PASK: variants seen among roughly 807,000 people sequenced by gnomAD.
The protein encoded by PASK is PAS domain containing serine/threonine kinase, also known as PAS domain-containing serine/threonine-protein kinase.
PASK carries 110 observed loss-of-function variants against 121.0 expected under a neutral mutation model. That is an observed-to-expected ratio of 0.91 (90% CI 0.78 to 1.06). PASK has a LOEUF of 1.06. PASK is among the 50% of genes least tolerant of loss of function. PASK has a pLI of 0.00. For synonymous variants in PASK, 686 were observed against 717.8 expected, an observed-to-expected ratio of 0.96 and a Z score of 0.71; for missense variants, 1,643 against 1,702.3, an observed-to-expected ratio of 0.97 and a Z score of 0.61.
intron 12 of PASK, among the ~76,000 whole-genome samples, chr2:241,116,656 T>G (rs934821268): frequency 6.6e-6 from 1 of 152,224 alleles, no homozygotes; most frequent in South Asian, 2.1e-4. Flanking sequence ...AGAAAAACAG[T>G]GCTACCACAG....
intron 15 of PASK, among the ~76,000 whole-genome samples, chr2:241,111,358 G>A (rs1380737548): frequency 6.6e-6 from 1 of 152,210 alleles, no homozygotes; most frequent in African/African-American, 2.4e-5. Context: ...TCCAAGCAGT[G>A]CTGTGATCAT....
At chr2:241,149,575 A>G, upstream of PASK, 1 of 1,401,586 alleles carries the variant, frequency 7.1e-7, no homozygotes, top group Non-Finnish European at 9.7e-7. Context: ...GCCAGAGTCT[A>G]GAAGCCCGCG....
At chr2:241,130,326 C>T (rs2066068388) in intron 9 of PASK, among the ~76,000 whole-genome samples, 1 of 152,180 alleles carries the variant, frequency 6.6e-6, no homozygotes, top group Admixed American at 6.5e-5. Context: ...CAGAAACGTC[C>T]AATGCAATAG....
At chr2:241,128,802 C>T (rs1279632675) in intron 9 of PASK, among the ~76,000 whole-genome samples, 1 of 151,878 alleles carries the variant, frequency 6.6e-6, no homozygotes, top group Non-Finnish European at 1.5e-5. Flanking sequence ...GGAGTCTAGG[C>T]TGCAGTGAGC....
At chr2:241,121,065 C>T (rs954200900) in intron 12 of PASK, among the ~76,000 whole-genome samples, 1 of 152,130 alleles carries the variant, frequency 6.6e-6, no homozygotes, top group African/African-American at 2.4e-5. Context: ...ATGAAAGAAT[C>T]CAGTGACAAA....
chr2:241,149,581 C>T (rs561544382), upstream of PASK: 287 of 1,442,112 alleles, frequency 2.0e-4, no homozygotes, highest in Middle Eastern at 1.3e-3. Context: ...GTCTAGAAGC[C>T]CGCGCTAAGG....
rs1211837061 is a variant in PASK, at chr2:241,143,094, T to C, written c.-42-20A>G. ...TAACAACTAGAAAACAACATGAAGC[T>C]GATTAACATCTGCAATGCAAAAACA... On this transcript the variant is annotated intron_variant, in intron 1 of 17. Transcript: ENST00000234040. The C allele has an allele frequency of 9.8e-6, 12 of 1,226,622 alleles. No homozygotes were observed. The highest frequency in any genetic ancestry group is 9.7e-5 in the South Asian group (8 of 82,836). The allele number at this position is 1,226,622 out of a possible 1,614,324, so 76.0% of individuals were successfully genotyped here. A position where few individuals can be genotyped will look rare whatever the true frequency, so the allele number is the denominator to read the frequency against.
chr2:241,133,718 C>G (rs556227955), intron 8 of PASK: 3 of 155,962 alleles, frequency 1.9e-5, no homozygotes, highest in Admixed American at 1.9e-4. Context: ...CACAGTGGCT[C>G]ACACCTGTAA....
chr2:241,138,788 T>C lies in PASK; in HGVS notation c.607A>G (p.Ile203Val). 1.2e-6 allele frequency: 2 copies of C among 1,614,054 alleles called. No individual in the cohort carries two copies. The highest frequency in any genetic ancestry group is 8.5e-7 in the Non-Finnish European group (1 of 1,180,034). ...ATCTTCTCCCCACTACGGCTGATGA[T>C]GTCCACCTGTGGAAACAGACAGGTT... ...AAVVFGTVVD[I>V]ISRSGEKIPV... Residue 203 changes from isoleucine (I) to valine (V), a missense_variant, in exon 5 of 18, where the codon ATC becomes GTC. Ile to Val is a conservative substitution (Grantham distance 29). Around this residue, in one of 3 missense-constraint regions of PASK, gnomAD observed 1,176 missense variants for 1,162.2 expected, o/e 1.01. Coordinates refer to ENST00000234040, the MANE Select transcript of PASK (RefSeq NM_015148.4).
At chr2:241,119,226 G>A (rs1216220163) in intron 12 of PASK, among the ~76,000 whole-genome samples, 1 of 152,228 alleles carries the variant, frequency 6.6e-6, no homozygotes, top group Non-Finnish European at 1.5e-5. Flanking sequence ...AACGGCGTCC[G>A]TCCATGGCTG....
chr2:241,114,014 C>G, intron 14 of PASK: 1 of 983,840 alleles, frequency 1.0e-6, no homozygotes, highest in Non-Finnish European at 1.2e-6. Context: ...GTATAAACAC[C>G]ATAATTATGT....
rs2065208728 is a variant in PASK at position 241,113,764 on chromosome 2, C to G, written c.3333+1279G>C. The stretch of plus-strand genomic sequence containing the variant: ...CTGTGCCCTGGACTGGCCATGCTGC[C>G]CTGGAGCGGCCTGAACCAAGCCAGG... On this transcript the variant is annotated intron_variant, in intron 14 of 17. Transcript: ENST00000234040. The G allele has an allele frequency of 4.1e-6, 4 of 985,478 alleles. No homozygotes were observed. In the South Asian group the frequency reaches 1.9e-4, roughly 46 times the overall value. 61.0% of individuals were successfully genotyped at this position (985,478 alleles called of 1,614,324 possible).
chr2:241,116,004 C>T lies in PASK; in HGVS notation c.3073-591G>A, dbSNP rs1335679119. ...ATCCCATTACACCAGGGGCCACCAT[C>T]GGTCCTCAAGCATCCCATTACGCCA... On this transcript the variant is annotated intron_variant, in intron 12 of 17. Transcript: ENST00000234040. Among the ~76,000 whole-genome samples, 12 of 112,856 alleles carry T rather than the reference C, an allele frequency of 1.1e-4. 2 individuals are homozygous for T. The highest frequency in any genetic ancestry group is 1.8e-4 in the Non-Finnish European group (11 of 59,978). 74.0% of individuals were successfully genotyped at this position (112,856 alleles called of 152,430 possible).
chr2:241,107,331 G>A (rs370510900), intron 17 of PASK, 22 bp downstream of exon 17: 67 of 1,608,550 alleles, frequency 4.2e-5, no homozygotes, highest in Non-Finnish European at 5.4e-5. Flanking sequence ...ATGTGGGGTG[G>A]AGGGATGCTG....
Position 241,106,509 on chromosome 2 carries a change from C to A in PASK, c.*57G>T, listed in dbSNP as rs2064884852. 6.4e-7 allele frequency: 1 copy of A among 1,566,682 alleles called. No homozygotes were observed. On this transcript the variant is annotated 3_prime_UTR_variant, in exon 18 of 18. Coordinates refer to ENST00000234040, the MANE Select transcript of PASK (RefSeq NM_015148.4). ...ATGTATTTTCTCCAAACAGATGGAG[C>A]CTGAAAACTGTGTGATTTTCCAAAC...
Position 241,138,077 on chromosome 2 carries a change from G to A in PASK, c.752C>T (p.Thr251Met), listed in dbSNP as rs771542461. 57 of 1,614,064 alleles carry A rather than the reference G, an allele frequency of 3.5e-5. No individual in the cohort carries two copies. The highest frequency in any genetic ancestry group is 8.3e-5 in the Admixed American group (5 of 60,010). Residue 251 changes from threonine to methionine, a missense_variant, in exon 6 of 18, where the codon ACG becomes ATG. Physicochemically the swap from Thr to Met is moderately conservative, Grantham distance 81. Coordinates refer to ENST00000234040, the MANE Select transcript of PASK (RefSeq NM_015148.4). ...WVAFQSDGTVTSCDSLFAHLH... is the reference protein window; with the variant it reads ...WVAFQSDGTVMSCDSLFAHLH... Reference sequence around the variant, plus strand: ...ATGAGCAAAGAGACTGTCACATGACGTGACGGTGCCCTGGAGGAAAAGCCC... The same window carrying A: ...ATGAGCAAAGAGACTGTCACATGACATGACGGTGCCCTGGAGGAAAAGCCC...
chr2:241,146,081 G>T (rs987466650), intron 1 of PASK, among the ~76,000 whole-genome samples: 2 of 152,098 alleles, frequency 1.3e-5, no homozygotes, highest in African/African-American at 4.8e-5. Flanking sequence ...AGCTTTAAAA[G>T]ATCAACTATT....
rs753023940 is a variant in PASK, at chr2:241,126,248, G to A, written c.2667C>T (p.Ile889=). 10 of 1,613,996 alleles carry A rather than the reference G, an allele frequency of 6.2e-6. No individual in the cohort carries two copies. In the Admixed American group the frequency reaches 6.7e-5, roughly 11 times the overall value. Reference sequence around the variant, plus strand: ...AGCTCCCGGAGTAGGCACCCTCCTGGATCTCCCGCTGCAGGCCAGCAGCCC... The same window carrying A: ...AGCTCCCGGAGTAGGCACCCTCCTGAATCTCCCGCTGCAGGCCAGCAGCCC... ...MRGAAGLQRE[I]QEGAYSGSCY... is the part of the protein sequence containing the mutation. Residue 889 remains isoleucine (I), a synonymous_variant, in exon 10 of 18, where the codon ATC becomes ATT. Coordinates refer to ENST00000234040, the MANE Select transcript of PASK (RefSeq NM_015148.4).
intron 9 of PASK, among the ~76,000 whole-genome samples, chr2:241,129,813 AC>A (rs2066042177): frequency 1.3e-5 from 2 of 152,124 alleles, no homozygotes; most frequent in African/African-American, 4.8e-5. Flanking sequence ...TGGGACCTCA[AC>A]CCAGGGCAGC....
Sources: allele counts gnomAD v4.1 joint callset (sites outside exome capture counted in the v4.1 genomes callset), GRCh38; gene constraint gnomAD v4.1.1; regional missense constraint gnomAD v4.1.1; transcripts MANE v1.5; gene names NCBI Gene and HGNC (gene_info 2026-07-23, HGNC 2026-07-21).